The following DOCK9 variants were observed in gnomAD, a reference collection of about 807,000 sequenced individuals.
The protein encoded by DOCK9 is dedicator of cytokinesis protein 9.
A neutral mutation model predicts 263.3 loss-of-function variants in DOCK9; 89 were observed. That is an observed-to-expected ratio of 0.34 (90% CI 0.28 to 0.40). The LOEUF is 0.40. Among genes scored for constraint, DOCK9 ranks in the 10% least tolerant of loss-of-function variants. The probability of loss-of-function intolerance (pLI) is 1.00; values close to 1 mark genes in which losing one functional copy is unlikely to be tolerated. For missense variants in DOCK9, 2,140 were observed against 2,603.4 expected (o/e 0.82, Z 3.87); for synonymous variants, 976 against 973.1 (o/e 1.00, Z -0.06).
At chr13:98,908,759 A>T (rs756188206) in intron 9 of DOCK9, among the ~76,000 whole-genome samples, 1 of 152,228 alleles carries the variant, frequency 6.6e-6, no homozygotes, top group Non-Finnish European at 1.5e-5. Flanking sequence ...TGTTCTCAGG[A>T]ATGTGGGAAT....
intron 30 of DOCK9, chr13:98,867,137 AAAT>A: frequency 2.1e-6 from 1 of 487,134 alleles, no homozygotes; most frequent in Non-Finnish European, 3.9e-6. Flanking sequence ...AAAGTGAAAC[AAAT>A]AAAAATAAGC....
Position 98,797,232 on chromosome 13 carries a change from A to G in DOCK9, c.6039T>C (p.Gly2013=). ...GACGTTCGTTTACCGCTAAGGCTTG[A>G]CCGCAAGCTTCCACAAATTGCCTGG... ...EVFRQFVEAC[G]QALAVNERLI... Residue 2013 remains glycine (G), a synonymous_variant, in exon 52 of 53, where the codon GGT becomes GGC. Transcript: ENST00000682017. The G allele has an allele frequency of 2.5e-6, 4 of 1,613,954 alleles. No homozygotes were observed. The highest frequency in any genetic ancestry group is 3.4e-6 in the Non-Finnish European group (4 of 1,179,884).
intron 9 of DOCK9, among the ~76,000 whole-genome samples, chr13:98,913,465 A>C (rs1299525839): frequency 6.6e-6 from 1 of 152,226 alleles, no homozygotes; most frequent in Non-Finnish European, 1.5e-5. Flanking sequence ...TAAAAAGTCT[A>C]TATAGTACAA....
intron 1 of DOCK9, among the ~76,000 whole-genome samples, chr13:98,959,887 G>A (rs1025481994): frequency 6.6e-6 from 1 of 152,206 alleles, no homozygotes; most frequent in African/African-American, 2.4e-5. Flanking sequence ...TTTTTAAACT[G>A]TGATTCACTG....
intron 9 of DOCK9, among the ~76,000 whole-genome samples, 163 bp downstream of exon 9, chr13:98,914,165 T>C (rs575945090): frequency 2.0e-5 from 3 of 152,320 alleles, no homozygotes; most frequent in South Asian, 2.1e-4. Flanking sequence ...CCTGAAATCA[T>C]ACTGCATGAG....
chr13:98,822,817 C>A (rs1348942029), intron 45 of DOCK9, among the ~76,000 whole-genome samples: 13 of 152,040 alleles, frequency 8.6e-5, no homozygotes, highest in Non-Finnish European at 1.8e-4. Flanking sequence ...TTTAAATTAT[C>A]TTAATATTTA....
chr13:99,046,458 C>T (rs1270897575), intron 1 of DOCK9, among the ~76,000 whole-genome samples: 2 of 152,186 alleles, frequency 1.3e-5, no homozygotes, highest in South Asian at 2.1e-4. Context: ...AAGGATTTTG[C>T]GCCCAGTATG....
At chr13:98,849,275 C>T (rs775061848) in intron 36 of DOCK9, among the ~76,000 whole-genome samples, 8 of 152,228 alleles carry the variant, frequency 5.3e-5, no homozygotes, top group Non-Finnish European at 1.0e-4. Context: ...AGTCTCTCAT[C>T]TGTAGTTCCA....
At chr13:99,018,631 T>C (rs1282852962) in intron 1 of DOCK9, among the ~76,000 whole-genome samples, 1 of 152,228 alleles carries the variant, frequency 6.6e-6, no homozygotes, top group Non-Finnish European at 1.5e-5. Context: ...GAAACAGGTC[T>C]CATGATAATA....
intron 1 of DOCK9, among the ~76,000 whole-genome samples, chr13:99,010,985 C>T (rs558703451): frequency 6.6e-6 from 1 of 152,344 alleles, no homozygotes; most frequent in South Asian, 2.1e-4. Context: ...GCAACCTCCA[C>T]CTCCCAGGTT....
At chr13:99,085,774 A>C (rs2042305999) in intron 1 of DOCK9, among the ~76,000 whole-genome samples, 2 of 148,650 alleles carry the variant, frequency 1.3e-5, no homozygotes, top group South Asian at 2.2e-4. Flanking sequence ...CTGAGCGCAG[A>C]CTGGATGAGG....
At chr13:99,051,621 A>G (rs2040700150) in intron 1 of DOCK9, among the ~76,000 whole-genome samples, 1 of 152,158 alleles carries the variant, frequency 6.6e-6, no homozygotes, top group African/African-American at 2.4e-5. Context: ...AGGCAAACCA[A>G]GCAAAGCAGG....
intron 1 of DOCK9, among the ~76,000 whole-genome samples, chr13:99,060,025 A>ATAC (rs1234499244): frequency 1.4e-5 from 2 of 145,448 alleles, no homozygotes; most frequent in African/African-American, 5.2e-5. Flanking sequence ...TTGGGTGGAT[A>ATAC]TACTACACAT....
intron 1 of DOCK9, among the ~76,000 whole-genome samples, chr13:99,033,814 T>C (rs932105643): frequency 6.6e-6 from 1 of 152,244 alleles, no homozygotes; most frequent in African/African-American, 2.4e-5. Flanking sequence ...ATGATGGTTT[T>C]CTGTCAGGTC....
chr13:98,902,277 A>C lies in DOCK9; in HGVS notation c.1380+11T>G, dbSNP rs1456067681. On this transcript the variant is annotated intron_variant, in intron 12 of 52. Transcript: ENST00000682017. ...TCTGAGTAGTGGGAATGCTGGGCTCATACTCCCCACCTGCTTCGGATACTG... is the reference window on the plus strand; with the variant it reads ...TCTGAGTAGTGGGAATGCTGGGCTCCTACTCCCCACCTGCTTCGGATACTG... The C allele has an allele frequency of 6.2e-7, 1 of 1,612,496 alleles. No individual in the cohort carries two copies. The highest frequency in any genetic ancestry group is 2.2e-5 in the East Asian group (1 of 44,868).
intron 1 of DOCK9, among the ~76,000 whole-genome samples, chr13:99,017,298 A>C (rs1454678789): frequency 2.0e-5 from 3 of 152,252 alleles, no homozygotes; most frequent in Admixed American, 6.5e-5. Context: ...AATATTGGAG[A>C]CTATAAAACA....
chr13:98,831,426 G>A lies in DOCK9; in HGVS notation c.4557C>T (p.Ala1519=), dbSNP rs2092758744. ...TCATCAGGAAGTAGAGCAGCTGGGA[G>A]GCCTCCGTCCTGATGGAGCTCAGCT... The part of the protein sequence containing the change: ...NSKLSSIRTE[A]SQLLYFLMRN... The change falls in exon 41 of 53, where the codon GCC becomes GCT. Residue 1519 remains alanine (A), a synonymous_variant. Transcript: ENST00000682017. 1 of 1,602,288 alleles carries A rather than the reference G, an allele frequency of 6.2e-7. No homozygotes were observed. Among genetic ancestry groups the A allele is most frequent in the East Asian group, 2.2e-5 (1 of 44,612 alleles).
intron 1 of DOCK9, among the ~76,000 whole-genome samples, chr13:99,074,723 A>C (rs1295464911): frequency 6.6e-6 from 1 of 152,188 alleles, no homozygotes; most frequent in Non-Finnish European, 1.5e-5. Flanking sequence ...TTAAAAATCC[A>C]CTTGTAACTC....
intron 1 of DOCK9, among the ~76,000 whole-genome samples, chr13:99,045,877 G>A (rs998781370): frequency 4.0e-5 from 6 of 151,678 alleles, no homozygotes; most frequent in African/African-American, 1.5e-4. Context: ...CGGATCATGA[G>A]GTCAGGAGAT....
Sources: allele counts gnomAD v4.1 joint callset (sites outside exome capture counted in the v4.1 genomes callset), GRCh38; gene constraint gnomAD v4.1.1; transcripts MANE v1.5; gene names NCBI Gene and HGNC (gene_info 2026-07-23, HGNC 2026-07-21).